The following ENOX1 variants were observed in gnomAD, a reference collection of about 807,000 sequenced individuals.
ENOX1 encodes ecto-NOX disulfide-thiol exchanger 1.
ENOX1 carries 42 observed loss-of-function variants against 82.5 expected under a neutral mutation model. The ratio of observed to expected loss-of-function variants is 0.51; its 90% confidence interval spans 0.40 to 0.66. The LOEUF is 0.66. Among genes scored for constraint, ENOX1 ranks in the 30% least tolerant of loss-of-function variants. ENOX1 has a pLI of 0.00. For synonymous variants in ENOX1, 271 were observed against 282.2 expected (o/e 0.96, Z 0.40); for missense variants, 608 against 811.6 (o/e 0.75, Z 3.05).
At chr13:43,710,117 C>T (rs1455243214) in intron 1 of ENOX1, among the ~76,000 whole-genome samples, 1 of 151,976 alleles carries the variant, frequency 6.6e-6, no homozygotes, top group African/African-American at 2.4e-5. Context: ...TAGTCAATCA[C>T]ATCCAACAGA....
At chr13:43,473,972 C>T (rs2058176011) in intron 3 of ENOX1, among the ~76,000 whole-genome samples, 1 of 152,122 alleles carries the variant, frequency 6.6e-6, no homozygotes, top group Admixed American at 6.6e-5. Flanking sequence ...AGCACCAATA[C>T]ACCTGTAATC....
At chr13:43,291,618 A>G (rs1008920299) in intron 12 of ENOX1, among the ~76,000 whole-genome samples, 8 of 152,004 alleles carry the variant, frequency 5.3e-5, no homozygotes, top group South Asian at 2.1e-4. Flanking sequence ...ACAATTTGCA[A>G]TACTCTCCAT....
At chr13:43,723,057 C>G (rs542184241) in intron 1 of ENOX1, among the ~76,000 whole-genome samples, 1 of 152,164 alleles carries the variant, frequency 6.6e-6, no homozygotes, top group Admixed American at 6.5e-5. Flanking sequence ...CCAAACTGTC[C>G]CCACACCTTA....
At chr13:43,595,429 T>C (rs2081424082) in intron 2 of ENOX1, among the ~76,000 whole-genome samples, 1 of 152,206 alleles carries the variant, frequency 6.6e-6, no homozygotes, top group Non-Finnish European at 1.5e-5. Context: ...TTTTTTATTA[T>C]ACTTTAAGTT....
At chr13:43,410,791 G>A (rs561735882) in intron 5 of ENOX1, among the ~76,000 whole-genome samples, 170 of 152,236 alleles carry the variant, frequency 1.1e-3, no homozygotes, top group Non-Finnish European at 1.4e-3. Flanking sequence ...TTCCAAATGC[G>A]ATTGGTTTCT....
intron 2 of ENOX1, among the ~76,000 whole-genome samples, chr13:43,570,160 A>T (rs1226706304): frequency 1.3e-5 from 2 of 152,202 alleles, no homozygotes; most frequent in Admixed American, 6.5e-5. Flanking sequence ...AAACAGGAGC[A>T]GACTGCATTG....
chr13:43,359,003 G>A (rs974538225), intron 7 of ENOX1, among the ~76,000 whole-genome samples: 8 of 152,174 alleles, frequency 5.3e-5, no homozygotes, highest in African/African-American at 9.7e-5. Flanking sequence ...ACAGAATTTC[G>A]TGGCAATAGA....
intron 1 of ENOX1, among the ~76,000 whole-genome samples, chr13:43,718,676 C>CAAAAAAAAAAAAAAAAAAAAAAAAAA (rs61671392): frequency 1.8e-5 from 1 of 55,592 alleles, no homozygotes; most frequent in African/African-American, 7.9e-5. Context: ...GACTCCGTCT[C>CAAAAAAAAAAAAAAAAAAAAAAAAAA]AAAAAAAAAA....
At chr13:43,416,403 A>T (rs796143460) in intron 3 of ENOX1, among the ~76,000 whole-genome samples, 1 of 49,872 alleles carries the variant, frequency 2.0e-5, no homozygotes, top group Non-Finnish European at 3.7e-5. Context: ...GCCGGACAGA[A>T]GCGCTCCTCA....
chr13:43,724,036 T>C (rs551370204), intron 1 of ENOX1, among the ~76,000 whole-genome samples: 2 of 152,198 alleles, frequency 1.3e-5, no homozygotes, highest in Non-Finnish European at 2.9e-5. Context: ...CCTATCTGCC[T>C]CAAACACAGT....
intron 1 of ENOX1, among the ~76,000 whole-genome samples, chr13:43,757,171 T>C (rs935497182): frequency 6.6e-5 from 10 of 152,118 alleles, no homozygotes; most frequent in African/African-American, 1.9e-4. Flanking sequence ...AGACCTGATA[T>C]GGTGGATTAA....
rs147757453 is a variant in ENOX1, at chr13:43,367,802, C to T, written c.209-6350G>A. 2.3e-3 allele frequency among the ~76,000 whole-genome samples: 355 copies of T among 152,028 alleles called. 2 individuals are homozygous for T. The highest frequency in any genetic ancestry group is 7.9e-3 in the African/African-American group (328 of 41,458). On this transcript the variant is annotated intron_variant, in intron 5 of 16. Coordinates refer to ENST00000690772, the MANE Select transcript of ENOX1 (RefSeq NM_001347969.2). ...GAATCCTGGAGGGGGTGACAGCTGA[C>T]CAGGTTCTTGAAAAGGATGACATCT... is the stretch of plus-strand genomic sequence containing the variant.
At chr13:43,303,877 G>A (rs2046719553) in intron 11 of ENOX1, among the ~76,000 whole-genome samples, 1 of 152,214 alleles carries the variant, frequency 6.6e-6, no homozygotes, top group Non-Finnish European at 1.5e-5. Flanking sequence ...AGGTGGTGCT[G>A]ATGCTGCTGG....
At chr13:43,259,597 C>T (rs1213847312) in intron 14 of ENOX1, among the ~76,000 whole-genome samples, 4 of 152,154 alleles carry the variant, frequency 2.6e-5, no homozygotes, top group Non-Finnish European at 5.9e-5. Flanking sequence ...ACCTCAGCCT[C>T]CCGAGTAGCT....
Position 43,608,492 on chromosome 13 carries a change from A to G in ENOX1, c.-219+58987T>C, listed in dbSNP as rs190078598. Among the ~76,000 whole-genome samples, 7 of 152,248 alleles carry G rather than the reference A, an allele frequency of 4.6e-5. 1 individual carries two copies. Among genetic ancestry groups the G allele is most frequent in the Admixed American group, 3.9e-4 (6 of 15,288 alleles). On this transcript the variant is annotated intron_variant, in intron 2 of 16. Coordinates refer to ENST00000690772, the MANE Select transcript of ENOX1 (RefSeq NM_001347969.2). The stretch of plus-strand genomic sequence containing the variant: ...GAAAGAGTACACTGAATATTATACA[A>G]CTTCTTCTTGATGACTGAGGGACAT...
chr13:43,392,408 C>T (rs2052840725), intron 5 of ENOX1, among the ~76,000 whole-genome samples: 2 of 152,176 alleles, frequency 1.3e-5, no homozygotes, highest in Admixed American at 1.3e-4. Context: ...GCCGGGTGCA[C>T]TGGCTCACGC....
At chr13:43,443,254 G>C (rs904415690) in intron 3 of ENOX1, among the ~76,000 whole-genome samples, 4 of 152,072 alleles carry the variant, frequency 2.6e-5, no homozygotes, top group Non-Finnish European at 4.4e-5. Flanking sequence ...CGGATGTGGG[G>C]AGCAAATAAA....
At chr13:43,689,458 T>C (rs928229645) in intron 1 of ENOX1, among the ~76,000 whole-genome samples, 8 of 152,214 alleles carry the variant, frequency 5.3e-5, no homozygotes, top group African/African-American at 1.9e-4. Flanking sequence ...AATTTCATCA[T>C]TAAGCACTGA....
At chr13:43,567,245 A>C (rs991250817) in intron 2 of ENOX1, among the ~76,000 whole-genome samples, 1 of 152,158 alleles carries the variant, frequency 6.6e-6, no homozygotes, top group Non-Finnish European at 1.5e-5. Flanking sequence ...CAATATCAAG[A>C]CATATTCATT....
Sources: gnomAD v4.1 joint callset for allele counts (sites outside exome capture counted in the v4.1 genomes callset) on GRCh38, gnomAD v4.1.1 for gene constraint, MANE v1.5 for transcripts, NCBI Gene and HGNC (gene_info 2026-07-23, HGNC 2026-07-21) for gene names.